VWC2L: variants seen among roughly 807,000 people sequenced by gnomAD.
VWC2L encodes von Willebrand factor C domain-containing protein 2-like.
A neutral mutation model predicts 21.6 loss-of-function variants in VWC2L; 10 were observed. The ratio of observed to expected loss-of-function variants is 0.46; its 90% CI spans 0.29 to 0.78. The LOEUF (loss-of-function observed/expected upper bound fraction) is 0.78, where lower values mean the gene tolerates loss of function less well. Ranked by LOEUF, VWC2L falls within the 30% of genes least tolerant of loss-of-function variation. The pLI is 0.10. For synonymous variants in VWC2L, 96 were observed against 94.3 expected, an observed-to-expected ratio of 1.02 and a Z score of -0.10; for missense variants, 209 against 277.1, an observed-to-expected ratio of 0.75 and a Z score of 1.74.
chr2:214,573,644 A>T (rs1559335681), intron 3 of VWC2L, among the ~76,000 whole-genome samples: 1 of 151,518 alleles, frequency 6.6e-6, no homozygotes. Context: ...TTCTGGAAAA[A>T]CCTCTCTGCC....
At chr2:214,417,999 A>G (rs1294322124) in intron 2 of VWC2L, among the ~76,000 whole-genome samples, 1 of 151,992 alleles carries the variant, frequency 6.6e-6, no homozygotes. Flanking sequence ...AAATCCCTCA[A>G]ACTCTTGGTG....
chr2:214,493,508 C>T (rs921089341), intron 3 of VWC2L, among the ~76,000 whole-genome samples: 1 of 152,150 alleles, frequency 6.6e-6, no homozygotes, highest in Non-Finnish European at 1.5e-5. Context: ...CTCTCTATTC[C>T]TTTGCATTCT....
chr2:214,491,716 G>C (rs1688747910), intron 3 of VWC2L, among the ~76,000 whole-genome samples: 1 of 152,120 alleles, frequency 6.6e-6, no homozygotes, highest in African/African-American at 2.4e-5. Context: ...ACTGGAGTCA[G>C]ATGGAAATAT....
intron 1 of VWC2L, among the ~76,000 whole-genome samples, chr2:214,412,404 A>G (rs1446644369): frequency 2.6e-5 from 4 of 152,104 alleles, no homozygotes; most frequent in African/African-American, 4.8e-5. Flanking sequence ...TTTAATTAGT[A>G]AATTATATTT....
intron 3 of VWC2L, among the ~76,000 whole-genome samples, chr2:214,557,777 C>T (rs1333221046): frequency 2.0e-5 from 3 of 152,140 alleles, no homozygotes; most frequent in Non-Finnish European, 2.9e-5. Context: ...CCCTCACGTC[C>T]CATCTAACAA....
chr2:214,427,708 G>T (rs752573985), intron 2 of VWC2L, among the ~76,000 whole-genome samples: 7 of 152,106 alleles, frequency 4.6e-5, no homozygotes, highest in Non-Finnish European at 1.0e-4. Context: ...AAAACTGTAA[G>T]ATACAAATTT....
chr2:214,541,891 G>T (rs1689633430), intron 3 of VWC2L, among the ~76,000 whole-genome samples: 1 of 148,232 alleles, frequency 6.7e-6, no homozygotes. Context: ...GAGTTCTGGG[G>T]AAGAGTAAAC....
At chr2:214,482,946 T>G (rs1688627764) in intron 3 of VWC2L, among the ~76,000 whole-genome samples, 1 of 152,134 alleles carries the variant, frequency 6.6e-6, no homozygotes, top group Admixed American at 6.6e-5. Flanking sequence ...AGTACTTGTG[T>G]GCAGTCTCTC....
intron 3 of VWC2L, among the ~76,000 whole-genome samples, chr2:214,556,722 G>A (rs529943757): frequency 6.6e-6 from 1 of 152,262 alleles, no homozygotes. Flanking sequence ...CATACCAGGA[G>A]GACTTCCAGT....
At chr2:214,557,483 T>A (rs1689892046) in intron 3 of VWC2L, among the ~76,000 whole-genome samples, 1 of 152,064 alleles carries the variant, frequency 6.6e-6, no homozygotes, top group Non-Finnish European at 1.5e-5. Flanking sequence ...TCTTCCACAA[T>A]ATTGCTGAGC....
At chr2:214,475,033 T>C (rs1688490239) in intron 3 of VWC2L, among the ~76,000 whole-genome samples, 1 of 152,112 alleles carries the variant, frequency 6.6e-6, no homozygotes, top group Non-Finnish European at 1.5e-5. Flanking sequence ...CACATAGTGG[T>C]CTCACCAAGG....
intron 3 of VWC2L, among the ~76,000 whole-genome samples, chr2:214,523,521 C>T (rs1196804380): frequency 6.6e-6 from 1 of 152,112 alleles, no homozygotes; most frequent in East Asian, 1.9e-4. Flanking sequence ...TGTGATGATA[C>T]TGAGAAATTA....
intron 3 of VWC2L, among the ~76,000 whole-genome samples, chr2:214,512,100 A>G (rs1393743464): frequency 6.6e-6 from 1 of 152,072 alleles, no homozygotes; most frequent in African/African-American, 2.4e-5. Context: ...TAGTCTTGAT[A>G]TCACTTGATT....
intron 3 of VWC2L, among the ~76,000 whole-genome samples, chr2:214,552,154 T>G: frequency 6.6e-6 from 1 of 152,224 alleles, no homozygotes; most frequent in Admixed American, 6.5e-5. Context: ...ATTTTCTACA[T>G]GAACACTCAG....
At chr2:214,483,464 C>T (rs1420535262) in intron 3 of VWC2L, among the ~76,000 whole-genome samples, 1 of 151,568 alleles carries the variant, frequency 6.6e-6, no homozygotes, top group Non-Finnish European at 1.5e-5. Context: ...GTGTGACAGT[C>T]AAGTCTTCAA....
chr2:214,566,021 C>T (rs183147324), intron 3 of VWC2L, among the ~76,000 whole-genome samples: 48 of 152,126 alleles, frequency 3.2e-4, no homozygotes, highest in African/African-American at 9.2e-4. Context: ...GTTACAGGAA[C>T]GATACAACCT....
At chr2:214,558,988 A>T (rs1171453520) in intron 3 of VWC2L, among the ~76,000 whole-genome samples, 1 of 151,778 alleles carries the variant, frequency 6.6e-6, no homozygotes, top group East Asian at 1.9e-4. Flanking sequence ...GTCATCTAGC[A>T]TTAGGTATAT....
At chr2:214,418,909 G>A (rs1464989486) in intron 2 of VWC2L, among the ~76,000 whole-genome samples, 1 of 152,052 alleles carries the variant, frequency 6.6e-6, no homozygotes, top group Non-Finnish European at 1.5e-5. Context: ...CCTCACCAAG[G>A]GTTGTCTTGG....
At chr2:214,466,537 C>T (rs1274684444) in intron 3 of VWC2L, among the ~76,000 whole-genome samples, 1 of 152,146 alleles carries the variant, frequency 6.6e-6, no homozygotes, top group East Asian at 1.9e-4. Flanking sequence ...ATTATTCAGG[C>T]TTTATTTTTT....
Sources: gnomAD v4.1 joint callset for allele counts (sites outside exome capture counted in the v4.1 genomes callset) on GRCh38, gnomAD v4.1.1 for gene constraint, MANE v1.5 for transcripts, NCBI Gene and HGNC (gene_info 2026-07-23, HGNC 2026-07-21) for gene names.